Variants in ELMOD2 observed in about 807,000 individuals in gnomAD.
ELMOD2 encodes ELMO domain containing 2.
A neutral mutation model predicts 41.0 loss-of-function variants in ELMOD2; 28 were observed. That is an observed-to-expected ratio of 0.68 (90% CI 0.51 to 0.94). The LOEUF is 0.94. Among genes scored for constraint, ELMOD2 ranks in the 40% least tolerant of loss-of-function variants. The pLI is 0.00. For synonymous variants in ELMOD2, 106 were observed against 107.2 expected (o/e 0.99, Z 0.07); for missense variants, 333 against 343.1 (o/e 0.97, Z 0.23).
At chr4:140,531,338 A>G (rs1734740412) in intron 3 of ELMOD2, among the ~76,000 whole-genome samples, 1 of 152,214 alleles carries the variant, frequency 6.6e-6, no homozygotes. Context: ...TATCAATTAG[A>G]TATTAAGGGT....
intron 3 of ELMOD2, 92 bp from the exon 4 acceptor site, chr4:140,535,641 A>G (rs1578763377): frequency 8.4e-7 from 1 of 1,191,700 alleles, no homozygotes; most frequent in East Asian, 2.5e-5. Flanking sequence ...CATTTTTAAT[A>G]TCTACTTTGT....
At chr4:140,527,617 G>A (rs968285496) in intron 3 of ELMOD2, 123 bp downstream of exon 3, 24 of 739,948 alleles carry the variant, frequency 3.2e-5, no homozygotes, top group Admixed American at 1.7e-4. Context: ...AATTTTCCCC[G>A]TTTAGAGGTA....
In ELMOD2 at chr4:140,537,535, C is replaced by G; in HGVS notation, c.393C>G (p.Leu131=). ...ATAACCTACAGCATGAAGAGCTACT[C>G]ATGAAGGTAAATTTCTGTTTTCTTT... The part of the protein sequence containing the change: ...DSDNLQHEEL[L]MKLWNLLMPT... The change falls in exon 5 of 9, where the codon CTC becomes CTG. Residue 131 remains leucine, a synonymous_variant. Coordinates refer to ENST00000323570, the MANE Select transcript of ELMOD2 (RefSeq NM_153702.4). 6.3e-7 allele frequency: 1 copy of G among 1,597,154 alleles called. No homozygotes were observed.
chr4:140,550,098 T>G, intron 8 of ELMOD2, 132 bp from the exon 9 acceptor site: 1 of 752,044 alleles, frequency 1.3e-6, no homozygotes, highest in East Asian at 2.9e-5. Flanking sequence ...CTTCTAATAG[T>G]TTTGAGATTA....
intron 3 of ELMOD2, among the ~76,000 whole-genome samples, chr4:140,535,169 C>T (rs570461717): frequency 6.8e-6 from 1 of 146,638 alleles, no homozygotes; most frequent in African/African-American, 2.5e-5. Flanking sequence ...CTCTCTCTCT[C>T]TCTCTCTCGC....
At chr4:140,527,441 C>CTTTTT in intron 2 of ELMOD2, 25 bp from the exon 3 acceptor site, 1 of 1,310,386 alleles carries the variant, frequency 7.6e-7, no homozygotes, top group Non-Finnish European at 1.0e-6. Context: ...GTGATAACAT[C>CTTTTT]TTTTTTTTTT....
intron 6 of ELMOD2, among the ~76,000 whole-genome samples, chr4:140,541,415 T>A (rs1424787436): frequency 1.3e-5 from 2 of 152,170 alleles, no homozygotes; most frequent in African/African-American, 4.8e-5. Flanking sequence ...AAATTAAAAG[T>A]TGTTCTATAT....
In ELMOD2 at chr4:140,539,359, GT is replaced by G. The variant is rs796777213; in HGVS notation, c.400-796del. On this transcript the variant is annotated intron_variant, in intron 5 of 8. Transcript: ENST00000323570. ...GTATGTAATATTTGATAGTTGGTTT[GT>G]TTTTTTTTTTTTCCTTTTTGAGATG... 4.9e-3 allele frequency among the ~76,000 whole-genome samples: 689 copies of G among 141,806 alleles called. 5 individuals are homozygous for G. Among genetic ancestry groups the G allele is most frequent in the East Asian group, 0.014 (71 of 4,938 alleles). The allele number at this position is 141,806 out of a possible 152,430, so 93.0% of individuals were successfully genotyped here.
At chr4:140,534,182 G>A (rs947292762) in intron 3 of ELMOD2, among the ~76,000 whole-genome samples, 3 of 152,082 alleles carry the variant, frequency 2.0e-5, no homozygotes, top group Admixed American at 6.6e-5. Context: ...GCAAATTGAG[G>A]TATATTCATG....
At chr4:140,527,802 A>G in intron 3 of ELMOD2, 1 of 273,700 alleles carries the variant, frequency 3.7e-6, no homozygotes, top group Non-Finnish European at 6.8e-6. Flanking sequence ...CTGTGTCCTC[A>G]GGATAGATTA....
At chr4:140,543,289 A>C (rs901594113) in intron 7 of ELMOD2, among the ~76,000 whole-genome samples, 164 bp from the exon 8 acceptor site, 2 of 151,986 alleles carry the variant, frequency 1.3e-5, no homozygotes, top group African/African-American at 4.8e-5. Context: ...AAAAAGCAAA[A>C]ATGTTAAATT....
intron 2 of ELMOD2, among the ~76,000 whole-genome samples, chr4:140,525,792 C>G (rs1033269705): frequency 1.3e-5 from 2 of 152,040 alleles, no homozygotes; most frequent in Admixed American, 6.5e-5. Context: ...TTCTCTGGCT[C>G]CTGAAGTTTA....
At chr4:140,527,579 AGT>A (rs1734611769) in intron 3 of ELMOD2, 85 bp downstream of exon 3, 2 of 1,178,780 alleles carry the variant, frequency 1.7e-6, no homozygotes, top group Admixed American at 5.4e-5. Context: ...CTGCTAGAAG[AGT>A]GTTTTCTATA....
intron 7 of ELMOD2, 83 bp downstream of exon 7, chr4:140,542,725 G>A: frequency 2.0e-6 from 2 of 1,013,440 alleles, no homozygotes; most frequent in South Asian, 3.6e-5. Flanking sequence ...GTATATCAAG[G>A]TATTTCTTAA....
In ELMOD2 at chr4:140,542,234, C is replaced by T. The variant is rs562046248; in HGVS notation, c.534-340C>T. Among the ~76,000 whole-genome samples the T allele has an allele frequency of 8.6e-5, 13 of 150,544 alleles. No homozygotes were observed. In the East Asian group the frequency reaches 2.5e-3, roughly 29 times the overall value. On this transcript the variant is annotated intron_variant, in intron 6 of 8. Coordinates refer to ENST00000323570, the MANE Select transcript of ELMOD2 (RefSeq NM_153702.4). ...CTAAGTGTAAGGAAGAGTGTCCTAA[C>T]AGGTACATATTGACTCTTTCATAGA...
In ELMOD2 at chr4:140,537,498, C is replaced by A. The variant is rs770471853; in HGVS notation, c.356C>A (p.Pro119Gln). The A allele has an allele frequency of 2.9e-5, 46 of 1,596,086 alleles. No individual in the cohort carries two copies. Among genetic ancestry groups the A allele is most frequent in the Non-Finnish European group, 3.5e-5 (41 of 1,172,854 alleles). The stretch of plus-strand genomic sequence containing the variant: ...GATGTAGAAAGTGTGAGGAAAAGGC[C>A]ATATGATTCTGATAACCTACAGCAT... ...YLDVESVRKRPYDSDNLQHEE... is the reference protein window; with the variant it reads ...YLDVESVRKRQYDSDNLQHEE... The change falls in exon 5 of 9, where the codon CCA becomes CAA. Residue 119 changes from proline to glutamine, a missense_variant. By Grantham distance (76) the Pro-to-Gln change is moderately conservative. Transcript: ENST00000323570.
chr4:140,531,895 A>C (rs899533521), intron 3 of ELMOD2, among the ~76,000 whole-genome samples: 10 of 152,210 alleles, frequency 6.6e-5, no homozygotes, highest in Non-Finnish European at 1.5e-4. Flanking sequence ...TTTTTTCACA[A>C]ATCTCTAATC....
intron 6 of ELMOD2, among the ~76,000 whole-genome samples, chr4:140,540,967 A>G (rs1578769483): frequency 6.6e-6 from 1 of 152,176 alleles, no homozygotes; most frequent in Non-Finnish European, 1.5e-5. Flanking sequence ...CTCTTTATAT[A>G]TGTTCTTCAC....
intron 3 of ELMOD2, chr4:140,527,767 C>T (rs373377143): frequency 1.1e-5 from 4 of 360,840 alleles, no homozygotes; most frequent in African/African-American, 8.6e-5. Flanking sequence ...AAAGCAGGGC[C>T]TTAGGAGGAA....
Sources: gnomAD v4.1 joint callset for allele counts (sites outside exome capture counted in the v4.1 genomes callset) on GRCh38, gnomAD v4.1.1 for gene constraint, MANE v1.5 for transcripts, NCBI Gene and HGNC (gene_info 2026-07-23, HGNC 2026-07-21) for gene names.